Variants in PCDHA5 observed in about 807,000 individuals in gnomAD.
PCDHA5 encodes protocadherin alpha-5.
PCDHA5 carries 43 observed loss-of-function variants against 61.6 expected under a neutral mutation model. The ratio of observed to expected loss-of-function variants is 0.70; its 90% CI spans 0.55 to 0.90. PCDHA5 has a LOEUF of 0.90. PCDHA5 is among the 40% of genes least tolerant of loss of function. PCDHA5 has a pLI of 0.00. For missense variants in PCDHA5, 1,298 were observed against 1,222.7 expected (o/e 1.06, Z -0.92); for synonymous variants, 627 against 543.9 (o/e 1.15, Z -2.13).
chr5:140,969,371 T>C (rs2096324872), intron 1 of PCDHA5: 1 of 1,607,688 alleles, frequency 6.2e-7, no homozygotes, highest in Non-Finnish European at 8.5e-7. Context: ...AACTCATGCA[T>C]TTGTTACACA....
At position 140,836,487 on chromosome 5, in the gene PCDHA5, A is replaced by G. The variant is rs1774512813; in HGVS notation, c.2352+12360A>G. On this transcript the variant is annotated intron_variant, in intron 1 of 3. Transcript: ENST00000529859. The stretch of plus-strand genomic sequence containing the variant: ...GGTGGATGTCAACGTGTACCTGATC[A>G]TCGCCATCTGCGCGGTGTCCAGTCT... 1 of 1,613,880 alleles carries G rather than the reference A, an allele frequency of 6.2e-7. No individual in the cohort carries two copies. The highest frequency in any genetic ancestry group is 8.5e-7 in the Non-Finnish European group (1 of 1,179,854).
chr5:140,899,609 A>G (rs898089235), intron 1 of PCDHA5, among the ~76,000 whole-genome samples: 12 of 152,104 alleles, frequency 7.9e-5, no homozygotes, highest in Non-Finnish European at 1.6e-4. Context: ...CTTTTGCATC[A>G]ATGTTCATCA....
At chr5:141,007,527 C>T (rs1184006315) in intron 3 of PCDHA5, among the ~76,000 whole-genome samples, 1 of 152,070 alleles carries the variant, frequency 6.6e-6, no homozygotes, top group Non-Finnish European at 1.5e-5. Flanking sequence ...GATATCTCGC[C>T]ACTGCACTCC....
intron 1 of PCDHA5, among the ~76,000 whole-genome samples, chr5:140,912,823 G>C (rs2076078264): frequency 6.6e-6 from 1 of 152,090 alleles, no homozygotes; most frequent in Non-Finnish European, 1.5e-5. Context: ...AAGGGATTTT[G>C]AATTTTATTA....
intron 1 of PCDHA5, among the ~76,000 whole-genome samples, chr5:140,952,123 C>T (rs1182943342): frequency 6.6e-6 from 1 of 152,056 alleles, no homozygotes; most frequent in Non-Finnish European, 1.5e-5. Context: ...GATGGGCTCC[C>T]AAGGCCTTGG....
At chr5:140,960,346 T>A (rs782732587) in intron 1 of PCDHA5, among the ~76,000 whole-genome samples, 21 of 152,174 alleles carry the variant, frequency 1.4e-4, no homozygotes, top group Admixed American at 2.6e-4. Context: ...AGGTGAGATA[T>A]GTACTGAAAT....
intron 1 of PCDHA5, among the ~76,000 whole-genome samples, chr5:140,914,220 C>T (rs1210445622): frequency 6.6e-6 from 1 of 152,212 alleles, no homozygotes; most frequent in South Asian, 2.1e-4. Flanking sequence ...TCTCTTTTAG[C>T]TCTAATACTA....
At chr5:140,828,600 A>G (rs1769845446) in intron 1 of PCDHA5, 3 of 1,614,242 alleles carry the variant, frequency 1.9e-6, no homozygotes, top group East Asian at 2.2e-5. Context: ...ATCTTAACCT[A>G]TAAACTCAGT....
At chr5:140,912,824 A>T (rs1391588183) in intron 1 of PCDHA5, among the ~76,000 whole-genome samples, 3 of 152,170 alleles carry the variant, frequency 2.0e-5, no homozygotes, top group Non-Finnish European at 4.4e-5. Flanking sequence ...AGGGATTTTG[A>T]ATTTTATTAA....
chr5:140,898,628 C>T (rs1305030651), intron 1 of PCDHA5, among the ~76,000 whole-genome samples: 2 of 152,176 alleles, frequency 1.3e-5, no homozygotes, highest in African/African-American at 4.8e-5. Context: ...TAGCATAATG[C>T]CTCCAGCTTT....
intron 1 of PCDHA5, among the ~76,000 whole-genome samples, chr5:140,941,602 A>G (rs1364169026): frequency 1.3e-5 from 2 of 151,994 alleles, no homozygotes; most frequent in African/African-American, 4.8e-5. Flanking sequence ...GCCATGAGCC[A>G]TGGTGCCCAG....
At position 140,946,014 on chromosome 5, in the gene PCDHA5, C is replaced by T. The variant is rs116323983; in HGVS notation, c.2353-32935C>T. On this transcript the variant is annotated intron_variant, in intron 1 of 3. Coordinates refer to ENST00000529859, the MANE Select transcript of PCDHA5 (RefSeq NM_018908.3). ...ATTGCATCAAACTAAAAAGCTCCTG[C>T]GCAGCAAAGAAAACAAGAGTGAAGG... Among the ~76,000 whole-genome samples, 849 of 151,986 alleles carry T rather than the reference C, an allele frequency of 5.6e-3. 7 individuals carry two copies. The highest frequency in any genetic ancestry group is 0.02 in the African/African-American group (814 of 41,504).
At chr5:140,907,752 T>C (rs1255877387) in intron 1 of PCDHA5, among the ~76,000 whole-genome samples, 5 of 152,190 alleles carry the variant, frequency 3.3e-5, no homozygotes, top group African/African-American at 1.2e-4. Flanking sequence ...ACTTTGTTCA[T>C]GGGCCCATTG....
intron 1 of PCDHA5, among the ~76,000 whole-genome samples, chr5:140,885,719 T>C (rs1304075284): frequency 6.6e-6 from 1 of 152,210 alleles, no homozygotes; most frequent in Non-Finnish European, 1.5e-5. Flanking sequence ...TAATGTGATC[T>C]CTGTGAAATG....
At chr5:140,849,221 C>T (rs1383448278) in intron 1 of PCDHA5, 3 of 1,037,238 alleles carry the variant, frequency 2.9e-6, no homozygotes, top group Admixed American at 2.8e-5. Flanking sequence ...CCCCAGTGTT[C>T]GACAGAACCC....
At chr5:140,941,698 T>C (rs2093148440) in intron 1 of PCDHA5, among the ~76,000 whole-genome samples, 1 of 152,186 alleles carries the variant, frequency 6.6e-6, no homozygotes, top group African/African-American at 2.4e-5. Flanking sequence ...TCTTTGGGCT[T>C]AGCTTTCCTC....
chr5:140,948,076 A>G (rs1554218436), intron 1 of PCDHA5, among the ~76,000 whole-genome samples: 1 of 151,508 alleles, frequency 6.6e-6, no homozygotes, highest in Non-Finnish European at 1.5e-5. Flanking sequence ...ATTTTCTTTT[A>G]ATCTATTGAT....
chr5:140,954,046 G>T (rs1554221229), intron 1 of PCDHA5, among the ~76,000 whole-genome samples: 1 of 152,124 alleles, frequency 6.6e-6, no homozygotes, highest in East Asian at 1.9e-4. Context: ...TTGGTTTTCT[G>T]TTCCTGCATT....
intron 1 of PCDHA5, chr5:140,828,543 T>C: frequency 6.2e-7 from 1 of 1,614,216 alleles, no homozygotes; most frequent in Non-Finnish European, 8.5e-7. Context: ...CCAGATTCTG[T>C]GTTTCCACTG....
Sources: gnomAD v4.1 joint callset for allele counts (sites outside exome capture counted in the v4.1 genomes callset) on GRCh38, gnomAD v4.1.1 for gene constraint, MANE v1.5 for transcripts, NCBI Gene and HGNC (gene_info 2026-07-23, HGNC 2026-07-21) for gene names.